Variants in ZFHX3 observed in about 807,000 individuals in gnomAD.
ZFHX3 encodes zinc finger homeobox protein 3.
A neutral mutation model predicts 279.1 loss-of-function variants in ZFHX3; 42 were observed. The observed-to-expected ratio is 0.15, with a 90% CI of 0.12 to 0.19. The LOEUF (loss-of-function observed/expected upper bound fraction) is 0.19, where lower values mean the gene tolerates loss of function less well. Among genes scored for constraint, ZFHX3 ranks in the 10% least tolerant of loss-of-function variants. The pLI is 1.00. For missense variants in ZFHX3, 4,981 were observed against 4,754.0 expected, an observed-to-expected ratio of 1.05 and a Z score of -1.40; for synonymous variants, 2,293 against 1,957.8, an observed-to-expected ratio of 1.17 and a Z score of -4.52.
intron 5 of ZFHX3, among the ~76,000 whole-genome samples, chr16:73,193,334 G>T (rs761578951): frequency 5.3e-5 from 8 of 152,200 alleles, no homozygotes; most frequent in Non-Finnish European, 1.0e-4. Flanking sequence ...TGTCTGCTTT[G>T]CAGGGGAGTT....
chr16:72,989,828 C>T (rs777997989), intron 1 of ZFHX3, among the ~76,000 whole-genome samples: 1 of 152,118 alleles, frequency 6.6e-6, no homozygotes, highest in South Asian at 2.1e-4. Flanking sequence ...ATTATGCGGA[C>T]GCAGAGTTAT....
chr16:73,033,873 C>T (rs1441710707), intron 1 of ZFHX3, among the ~76,000 whole-genome samples: 1 of 152,136 alleles, frequency 6.6e-6, no homozygotes, highest in Non-Finnish European at 1.5e-5. Flanking sequence ...GACCAAGGAA[C>T]GCTAAGGTCA....
intron 3 of ZFHX3, among the ~76,000 whole-genome samples, chr16:73,446,565 A>T (rs1275162088): frequency 2.0e-5 from 3 of 152,230 alleles, no homozygotes; most frequent in African/African-American, 7.2e-5. Flanking sequence ...TACAATTCAA[A>T]ATGAGATTTG....
At chr16:73,541,256 G>A (rs182818363) in intron 2 of ZFHX3, among the ~76,000 whole-genome samples, 98 of 152,222 alleles carry the variant, frequency 6.4e-4, no homozygotes, top group Non-Finnish European at 9.1e-4. Context: ...AGGCCAAGGC[G>A]GGAGGATCAC....
At chr16:73,237,529 T>C (rs1375852346) in intron 5 of ZFHX3, among the ~76,000 whole-genome samples, 1 of 65,062 alleles carries the variant, frequency 1.5e-5, no homozygotes, top group Non-Finnish European at 3.3e-5. Context: ...AAATGCAGCC[T>C]TTTTTTTTTT....
At chr16:73,820,578 A>G (rs1041411353) in intron 1 of ZFHX3, among the ~76,000 whole-genome samples, 1 of 152,018 alleles carries the variant, frequency 6.6e-6, no homozygotes, top group Admixed American at 6.6e-5. Flanking sequence ...ACCCAGTCCA[A>G]TCAAACCCAC....
rs142826933 is a variant in ZFHX3 at position 73,372,989 on chromosome 16, T to A, written c.-1290-54653A>T. Among the ~76,000 whole-genome samples the A allele has an allele frequency of 8.5e-5, 13 of 152,234 alleles. No individual in the cohort carries two copies. The East Asian group carries it at 2.5e-3, about 29-fold the overall frequency. ...TAATGACAAAACACATCCCAGATGC[T>A]GTCAAGTTGCTTTCACAGAGTTTAA... On this transcript the variant is annotated intron_variant, in intron 3 of 17. Transcript: ENST00000641206.
chr16:73,566,533 A>G (rs982040542), intron 2 of ZFHX3, among the ~76,000 whole-genome samples: 3 of 151,996 alleles, frequency 2.0e-5, no homozygotes, highest in Non-Finnish European at 4.4e-5. Flanking sequence ...TTGTAGACTC[A>G]TCATCCCAAT....
intron 4 of ZFHX3, among the ~76,000 whole-genome samples, chr16:73,286,032 C>CAG (rs2014586835): frequency 5.9e-5 from 9 of 152,200 alleles, no homozygotes; most frequent in Admixed American, 3.3e-4. Flanking sequence ...AAGCAGCCTC[C>CAG]GCCTGGCTGG....
rs913560265 is a variant in ZFHX3, at chr16:73,420,166, C to G, written c.-1291+35837G>C. On this transcript the variant is annotated intron_variant, in intron 3 of 17. Transcript: ENST00000641206. ...CAAGCCATCAGCCTGCCTCAACCTCCTAAAGTGCTGACATTACAGGCATGA... is the reference window on the plus strand; with the variant it reads ...CAAGCCATCAGCCTGCCTCAACCTCGTAAAGTGCTGACATTACAGGCATGA... 2.0e-5 allele frequency: 3 copies of G among 152,144 alleles called. No homozygotes were observed. In the South Asian group the frequency reaches 6.2e-4, roughly 32 times the overall value. 9.4% of individuals were successfully genotyped at this position (152,144 alleles called of 1,614,324 possible).
intron 2 of ZFHX3, among the ~76,000 whole-genome samples, chr16:73,512,941 C>A (rs2019458359): frequency 6.6e-6 from 1 of 152,176 alleles, no homozygotes; most frequent in East Asian, 1.9e-4. Flanking sequence ...TGAAACCCAT[C>A]GGTGGCTGAC....
At chr16:73,346,426 A>C (rs1050101052) in intron 3 of ZFHX3, among the ~76,000 whole-genome samples, 1 of 152,174 alleles carries the variant, frequency 6.6e-6, no homozygotes, top group African/African-American at 2.4e-5. Context: ...GTGAAGAAGA[A>C]TCACAGATTG....
chr16:72,958,280 G>C lies in ZFHX3; in HGVS notation c.1866C>G (p.His622Gln). 6.2e-7 allele frequency: 1 copy of C among 1,614,032 alleles called. No homozygotes were observed. Among genetic ancestry groups the C allele is most frequent in the Non-Finnish European group, 8.5e-7 (1 of 1,179,900 alleles). The change falls in exon 2 of 10, where the codon CAC becomes CAG. Residue 622 changes from histidine to glutamine, a missense_variant. His to Gln is a conservative substitution (Grantham distance 24). Coordinates refer to ENST00000268489, the MANE Select transcript of ZFHX3 (RefSeq NM_006885.4). ...DDGGFVPHHQ[H>Q]AGSLCELGVG... The stretch of plus-strand genomic sequence containing the variant: ...CCCCAAGCTCGCAGAGGGAGCCAGC[G>C]TGCTGGTGATGGGGAACGAAGCCCC...
chr16:73,476,738 G>A (rs533725031), intron 2 of ZFHX3, among the ~76,000 whole-genome samples: 3 of 152,238 alleles, frequency 2.0e-5, no homozygotes, highest in East Asian at 3.9e-4. Context: ...TTGGGTGGGT[G>A]TTATCACCAC....
chr16:73,813,367 C>T (rs1427475613), intron 1 of ZFHX3, among the ~76,000 whole-genome samples: 3 of 151,898 alleles, frequency 2.0e-5, no homozygotes, highest in African/African-American at 4.8e-5. Flanking sequence ...TAGAGGACAG[C>T]GGCCAGGACT....
chr16:73,738,630 G>A (rs16972425), intron 1 of ZFHX3, among the ~76,000 whole-genome samples: 82 of 152,208 alleles, frequency 5.4e-4, no homozygotes, highest in Middle Eastern at 6.8e-3. Context: ...AGAGTTCCAC[G>A]GTATAAGAAA....
intron 2 of ZFHX3, among the ~76,000 whole-genome samples, chr16:73,654,027 A>T (rs1008702322): frequency 2.0e-5 from 3 of 152,038 alleles, no homozygotes; most frequent in Non-Finnish European, 2.9e-5. Flanking sequence ...TACTAAAAAT[A>T]CAAAAAATTA....
intron 5 of ZFHX3, among the ~76,000 whole-genome samples, chr16:73,163,751 G>A (rs1967295138): frequency 6.6e-6 from 1 of 152,086 alleles, no homozygotes; most frequent in Non-Finnish European, 1.5e-5. Context: ...GTAGAACTTG[G>A]ACAAAGAGAT....
At chr16:73,723,158 G>T (rs1020565630) in intron 1 of ZFHX3, among the ~76,000 whole-genome samples, 1 of 152,096 alleles carries the variant, frequency 6.6e-6, no homozygotes, top group Admixed American at 6.5e-5. Flanking sequence ...CATTGGCCAC[G>T]GACTGATCTT....
Sources: gnomAD v4.1 joint callset for allele counts (sites outside exome capture counted in the v4.1 genomes callset) on GRCh38, gnomAD v4.1.1 for gene constraint, MANE v1.5 for transcripts, NCBI Gene and HGNC (gene_info 2026-07-23, HGNC 2026-07-21) for gene names.